The following DPP4 variants were observed in gnomAD, a reference collection of about 807,000 sequenced individuals.
DPP4 encodes the protein dipeptidyl peptidase 4.
In DPP4, 93 loss-of-function variants were observed where a neutral mutation model predicts 122.4. That is an observed-to-expected ratio of 0.76 (90% CI 0.64 to 0.90). The LOEUF is 0.90. Ranked by LOEUF, DPP4 falls within the 40% of genes least tolerant of loss-of-function variation. DPP4 has a pLI of 0.00. For missense variants in DPP4, 914 were observed against 907.3 expected (o/e 1.01, Z -0.09); for synonymous variants, 321 against 302.9 (o/e 1.06, Z -0.62).
chr2:162,057,575 T>C (rs369610340), intron 2 of DPP4, among the ~76,000 whole-genome samples: 4 of 152,160 alleles, frequency 2.6e-5, no homozygotes, highest in Non-Finnish European at 5.9e-5. Flanking sequence ...TCCTTTGTAA[T>C]ATCCAGAACC....
chr2:162,074,158 C>T lies in DPP4; in HGVS notation c.-177G>A. 1.5e-6 allele frequency: 2 copies of T among 1,318,928 alleles called. No individual in the cohort carries two copies. The highest frequency in any genetic ancestry group is 2.2e-5 in the South Asian group (1 of 45,610). 81.7% of individuals were successfully genotyped at this position (1,318,928 alleles called of 1,614,324 possible). On this transcript the variant is annotated 5_prime_UTR_variant, in exon 1 of 26. Transcript: ENST00000360534. ...GCCGAGCCCGCTGGGTATAAAGGCG[C>T]CGCGGGCAGGCTGCAGGGCAGGCGG...
intron 2 of DPP4, among the ~76,000 whole-genome samples, chr2:162,058,309 G>A (rs145984432): frequency 2.6e-3 from 401 of 152,302 alleles, no homozygotes; most frequent in African/African-American, 8.3e-3. Flanking sequence ...TGTGGTGCCC[G>A]AGGTAGGAAC....
chr2:162,018,641 G>C, intron 16 of DPP4, 88 bp downstream of exon 16: 4 of 1,494,134 alleles, frequency 2.7e-6, no homozygotes, highest in Non-Finnish European at 3.6e-6. Flanking sequence ...GATTTCAAGA[G>C]CTCCTCAGAT....
intron 9 of DPP4, 45 bp downstream of exon 9, chr2:162,035,119 C>A (rs747295606): frequency 6.4e-7 from 1 of 1,564,798 alleles, no homozygotes; most frequent in Non-Finnish European, 8.7e-7. Context: ...AAACCATTCT[C>A]TTCCCATCAA....
chr2:161,998,484 C>T (rs535621805), intron 23 of DPP4, among the ~76,000 whole-genome samples: 22 of 152,284 alleles, frequency 1.4e-4, no homozygotes, highest in Admixed American at 7.8e-4. Context: ...ACTGTGCCAC[C>T]TCACCTCACC....
intron 10 of DPP4, among the ~76,000 whole-genome samples, chr2:162,029,889 G>T (rs1683480463): frequency 6.6e-6 from 1 of 152,130 alleles, no homozygotes; most frequent in Admixed American, 6.5e-5. Context: ...CCATAGTGCT[G>T]GCAGCGTGAA....
intron 2 of DPP4, among the ~76,000 whole-genome samples, chr2:162,059,104 C>T (rs942715624): frequency 1.3e-5 from 2 of 152,168 alleles, no homozygotes; most frequent in African/African-American, 4.8e-5. Context: ...TAAAGAAATG[C>T]AAGGCTGGAA....
Position 162,038,958 on chromosome 2 carries a change from A to T in DPP4, c.483T>A (p.Gly161=), listed in dbSNP as rs1363640102. ...NTQWVTWSPV[G]HKLAYVWNND... ...GGAGAGACTCACTAACCAATTTATG[A>T]CCCACTGGTGACCATGTGACCCACT... Residue 161 remains glycine (G), a synonymous_variant, in exon 7 of 26, where the codon GGT becomes GGA. Coordinates refer to ENST00000360534, the MANE Select transcript of DPP4 (RefSeq NM_001935.4). 1.2e-6 allele frequency: 2 copies of T among 1,613,206 alleles called. No homozygotes were observed. Among genetic ancestry groups the T allele is most frequent in the Non-Finnish European group, 1.7e-6 (2 of 1,179,428 alleles).
At chr2:162,058,928 A>G (rs1406627822) in intron 2 of DPP4, among the ~76,000 whole-genome samples, 1 of 152,242 alleles carries the variant, frequency 6.6e-6, no homozygotes, top group Admixed American at 6.5e-5. Context: ...ACAAGACTGG[A>G]CTTGAAAGAC....
At chr2:162,039,771 A>G (rs1380108374) in intron 5 of DPP4, among the ~76,000 whole-genome samples, 1 of 151,974 alleles carries the variant, frequency 6.6e-6, no homozygotes, top group Non-Finnish European at 1.5e-5. Context: ...TTTTTTTTAA[A>G]AAGGAAGTCA....
chr2:162,012,777 A>G (rs1682751527), intron 19 of DPP4, among the ~76,000 whole-genome samples: 1 of 151,896 alleles, frequency 6.6e-6, no homozygotes, highest in Non-Finnish European at 1.5e-5. Context: ...CACCATCTAC[A>G]CAACTCCTGG....
chr2:162,011,722 A>G, intron 20 of DPP4, 71 bp downstream of exon 20: 1 of 1,469,262 alleles, frequency 6.8e-7, no homozygotes, highest in Non-Finnish European at 9.3e-7. Flanking sequence ...TACACTTTAC[A>G]GCTTTAAAAT....
chr2:161,999,738 A>G (rs1225142611), intron 23 of DPP4, among the ~76,000 whole-genome samples: 3 of 152,174 alleles, frequency 2.0e-5, no homozygotes, highest in Non-Finnish European at 4.4e-5. Context: ...TACTATGAGA[A>G]ACAGAAGGTA....
At chr2:162,063,681 T>C (rs1470938094) in intron 2 of DPP4, among the ~76,000 whole-genome samples, 1 of 149,766 alleles carries the variant, frequency 6.7e-6, no homozygotes, top group Non-Finnish European at 1.5e-5. Context: ...GCTGTTTTAG[T>C]GGTGTGGTGG....
chr2:162,003,383 C>T (rs1279681389), intron 23 of DPP4, among the ~76,000 whole-genome samples: 1 of 152,010 alleles, frequency 6.6e-6, no homozygotes, highest in Non-Finnish European at 1.5e-5. Flanking sequence ...TGGCAGACTA[C>T]AACTAATTAT....
chr2:162,004,336 G>C lies in DPP4; in HGVS notation c.2052+1409C>G, dbSNP rs77011221. ...TATGTGACAATAGCAATGTGGTTAT[G>C]AAGAAGGAAATGAGTGTCTAAAGCA... On this transcript the variant is annotated intron_variant, in intron 23 of 25. Coordinates refer to ENST00000360534, the MANE Select transcript of DPP4 (RefSeq NM_001935.4). 8.1e-3 allele frequency among the ~76,000 whole-genome samples: 1,228 copies of C among 152,298 alleles called. 4 individuals carry two copies. The highest frequency in any genetic ancestry group is 0.012 in the Non-Finnish European group (833 of 68,006).
chr2:162,003,945 A>G (rs1219713036), intron 23 of DPP4, among the ~76,000 whole-genome samples: 4 of 152,188 alleles, frequency 2.6e-5, no homozygotes, highest in African/African-American at 9.7e-5. Flanking sequence ...TATACAAGGA[A>G]ACTATCAAAA....
At chr2:162,058,882 T>C (rs1479649047) in intron 2 of DPP4, among the ~76,000 whole-genome samples, 2 of 152,168 alleles carry the variant, frequency 1.3e-5, no homozygotes, top group Non-Finnish European at 2.9e-5. Context: ...TTCCTCAAAA[T>C]TGTGAGCACC....
intron 2 of DPP4, among the ~76,000 whole-genome samples, chr2:162,071,460 G>A (rs1685114665): frequency 6.6e-6 from 1 of 152,064 alleles, no homozygotes; most frequent in Admixed American, 6.6e-5. Context: ...TGGCCAACAT[G>A]GTAAAACCCC....
Sources: gnomAD v4.1 joint callset for allele counts (sites outside exome capture counted in the v4.1 genomes callset) on GRCh38, gnomAD v4.1.1 for gene constraint, MANE v1.5 for transcripts, NCBI Gene and HGNC (gene_info 2026-07-23, HGNC 2026-07-21) for gene names.